Variants in SUGCT observed in about 807,000 individuals in gnomAD.
SUGCT encodes succinyl-CoA:glutarate CoA-transferase.
Under a neutral mutation model 55.0 loss-of-function variants are expected in SUGCT, and 41 were observed. The observed-to-expected ratio is 0.74, with a 90% CI of 0.58 to 0.97. The LOEUF is 0.97. Ranked by LOEUF, SUGCT falls within the 50% of genes least tolerant of loss-of-function variation. The probability of loss-of-function intolerance (pLI) is 0.00; values close to 1 mark genes in which losing one functional copy is unlikely to be tolerated. For synonymous variants in SUGCT, 187 were observed against 200.4 expected (o/e 0.93, Z 0.56); for missense variants, 568 against 547.8 (o/e 1.04, Z -0.37).
intron 13 of SUGCT, among the ~76,000 whole-genome samples, chr7:40,839,252 T>A (rs1252355702): frequency 6.6e-6 from 1 of 152,170 alleles, no homozygotes; most frequent in African/African-American, 2.4e-5. Context: ...ACCATATTTT[T>A]ATTTTTTAGA....
At chr7:40,168,363 A>C (rs7795919) in intron 1 of SUGCT, among the ~76,000 whole-genome samples, 15,380 of 152,250 alleles carry the variant, frequency 0.1, 918 homozygotes, top group Middle Eastern at 0.17. Context: ...TGTCATCAAC[A>C]TCATAGCATG....
chr7:40,989,591 AC>A, the SUGCT span, among the ~76,000 whole-genome samples: 1 of 149,988 alleles, frequency 6.7e-6, no homozygotes, highest in African/African-American at 2.5e-5. Context: ...ATATGGTGAA[AC>A]CCCCATCTCT....
the SUGCT span, among the ~76,000 whole-genome samples, chr7:41,016,728 G>C: frequency 6.6e-6 from 1 of 152,076 alleles, no homozygotes; most frequent in Non-Finnish European, 1.5e-5. Context: ...AAGATGCCTT[G>C]GTCCCTCATT....
intron 12 of SUGCT, among the ~76,000 whole-genome samples, chr7:40,686,047 G>A (rs561921790): frequency 1.5e-4 from 23 of 152,134 alleles, no homozygotes; most frequent in Non-Finnish European, 2.8e-4. Flanking sequence ...TCACACTCTC[G>A]TTCTCTGAAT....
At chr7:40,897,105 G>GA in the SUGCT span, among the ~76,000 whole-genome samples, 1 of 152,160 alleles carries the variant, frequency 6.6e-6, no homozygotes, top group African/African-American at 2.4e-5. Flanking sequence ...ACACAACGGG[G>GA]AAAAGATAGT....
chr7:40,176,746 G>C (rs1055346911), intron 1 of SUGCT, among the ~76,000 whole-genome samples: 1 of 151,854 alleles, frequency 6.6e-6, no homozygotes, highest in South Asian at 2.1e-4. Context: ...GTCGAGGTGG[G>C]TGGATCACCT....
At chr7:40,873,360 C>T in the SUGCT span, among the ~76,000 whole-genome samples, 1 of 152,180 alleles carries the variant, frequency 6.6e-6, no homozygotes, top group Non-Finnish European at 1.5e-5. Context: ...ATTGTTGACT[C>T]TATAGACCTC....
chr7:40,284,608 C>CAA (rs35152488), intron 8 of SUGCT, among the ~76,000 whole-genome samples: 9,278 of 108,044 alleles, frequency 0.086, 779 homozygotes, highest in African/African-American at 0.22. Flanking sequence ...ATTCCATTTC[C>CAA]AAAAAAAAAA....
At chr7:40,629,246 C>T (rs1312808307) in intron 12 of SUGCT, among the ~76,000 whole-genome samples, 2 of 152,196 alleles carry the variant, frequency 1.3e-5, no homozygotes, top group Non-Finnish European at 2.9e-5. Flanking sequence ...AGAGAAAAAC[C>T]TGTGTGCTGC....
chr7:40,548,302 G>A (rs1409653359), intron 12 of SUGCT, among the ~76,000 whole-genome samples: 3 of 144,572 alleles, frequency 2.1e-5, no homozygotes, highest in Admixed American at 7.2e-5. Flanking sequence ...GCTCCTCCCC[G>A]CTAAACTGTC....
the SUGCT span, among the ~76,000 whole-genome samples, chr7:40,947,580 G>A: frequency 1.1e-4 from 16 of 151,746 alleles, no homozygotes; most frequent in East Asian, 2.9e-3. Flanking sequence ...ATACAGTATA[G>A]CAATTCTGGA....
At chr7:40,160,259 C>T (rs994798290) in intron 1 of SUGCT, among the ~76,000 whole-genome samples, 1 of 152,072 alleles carries the variant, frequency 6.6e-6, no homozygotes, top group Non-Finnish European at 1.5e-5. Context: ...GATGGAGACC[C>T]GCTTTGTCGC....
At chr7:40,196,390 A>C (rs1012632749) in intron 6 of SUGCT, among the ~76,000 whole-genome samples, 1 of 152,242 alleles carries the variant, frequency 6.6e-6, no homozygotes, top group South Asian at 2.1e-4. Flanking sequence ...ATAGACTCAG[A>C]TTCTGGAATA....
intron 9 of SUGCT, among the ~76,000 whole-genome samples, chr7:40,397,124 G>C (rs1349888405): frequency 6.6e-6 from 1 of 152,150 alleles, no homozygotes; most frequent in Non-Finnish European, 1.5e-5. Flanking sequence ...CATGCAGAGT[G>C]GTCCTTTCCA....
chr7:40,690,787 A>G (rs993801902), intron 12 of SUGCT, among the ~76,000 whole-genome samples: 30 of 152,260 alleles, frequency 2.0e-4, no homozygotes, highest in African/African-American at 7.2e-4. Flanking sequence ...CATGTTGCCC[A>G]GTTTGATCTT....
intron 12 of SUGCT, among the ~76,000 whole-genome samples, chr7:40,685,290 T>A (rs994549594): frequency 1.3e-5 from 2 of 152,204 alleles, no homozygotes; most frequent in Admixed American, 1.3e-4. Flanking sequence ...TATTTAAAAA[T>A]CAAGAAATTT....
At chr7:41,029,950 C>T in the SUGCT span, among the ~76,000 whole-genome samples, 1 of 152,272 alleles carries the variant, frequency 6.6e-6, no homozygotes, top group African/African-American at 2.4e-5. Flanking sequence ...GAACACTGAT[C>T]CTTTTATTAT....
chr7:40,702,853 A>T (rs1562954320), intron 12 of SUGCT, among the ~76,000 whole-genome samples: 1 of 152,166 alleles, frequency 6.6e-6, no homozygotes, highest in Non-Finnish European at 1.5e-5. Flanking sequence ...TAAACATGGA[A>T]TTCTTTTATA....
At chr7:40,146,673 G>T (rs1221533342) in intron 1 of SUGCT, among the ~76,000 whole-genome samples, 1 of 152,208 alleles carries the variant, frequency 6.6e-6, no homozygotes, top group Non-Finnish European at 1.5e-5. Flanking sequence ...TTCCACCCTG[G>T]GTGGGCCAGG....
Sources: allele counts gnomAD v4.1 joint callset (sites outside exome capture counted in the v4.1 genomes callset), GRCh38; gene constraint gnomAD v4.1.1; transcripts MANE v1.5; gene names NCBI Gene and HGNC (gene_info 2026-07-23, HGNC 2026-07-21).